PML: variants seen among roughly 807,000 people sequenced by gnomAD.
The protein encoded by PML is protein PML.
PML carries 28 observed loss-of-function variants against 65.2 expected under a neutral mutation model. That is an observed-to-expected ratio of 0.43 (90% confidence interval 0.32 to 0.59). PML has a LOEUF of 0.59. Ranked by LOEUF, PML falls within the 20% of genes least tolerant of loss-of-function variation. PML has a pLI of 0.08. For synonymous variants in PML, 500 were observed against 508.8 expected, an observed-to-expected ratio of 0.98 and a Z score of 0.23; for missense variants, 1,021 against 1,203.4, an observed-to-expected ratio of 0.85 and a Z score of 2.24.
rs1159458544 is a variant in PML at position 74,037,030 on chromosome 15, C to T, written c.1710+2500C>T. On this transcript the variant is annotated intron_variant, in intron 7 of 8. Transcript: ENST00000268058. The surrounding 1 kb of genome is among the most constrained non-coding windows in gnomAD (Gnocchi z 4.2). ...CCCAGCAGAAAATCCTGGAAGGACTCAGGAGCTTGTCGCCTCTGTGCTGCC... is the reference window on the plus strand; with the variant it reads ...CCCAGCAGAAAATCCTGGAAGGACTTAGGAGCTTGTCGCCTCTGTGCTGCC... 1.0e-6 allele frequency: 1 copy of T among 985,348 alleles called. No homozygotes were observed. Among genetic ancestry groups the T allele is most frequent in the Non-Finnish European group, 1.2e-6 (1 of 829,940 alleles). 61.0% of individuals were successfully genotyped at this position (985,348 alleles called of 1,614,324 possible). A position where few individuals can be genotyped will look rare whatever the true frequency, so the allele number is the denominator to read the frequency against.
At chr15:74,004,686 C>T (rs11072462) in intron 2 of PML, among the ~76,000 whole-genome samples, 93,747 of 151,674 alleles carry the variant, frequency 0.62, 29,071 homozygotes, top group Non-Finnish European at 0.65. Flanking sequence ...TTCTTCAGCT[C>T]TTCATCTCAG....
In PML at chr15:74,047,122, C is replaced by T. The variant is rs919020889; in HGVS notation, c.*2114C>T. On this transcript the variant is annotated 3_prime_UTR_variant, in exon 9 of 9. Transcript: ENST00000268058. Reference sequence around the variant, plus strand: ...AACTAGAGACCAGAGTCTGCAGGAACTTTGCCACTGCCCTTCACTGGCTAA... The same window carrying T: ...AACTAGAGACCAGAGTCTGCAGGAATTTTGCCACTGCCCTTCACTGGCTAA... 4.3e-6 allele frequency: 1 copy of T among 230,800 alleles called. No individual in the cohort carries two copies. Among genetic ancestry groups the T allele is most frequent in the East Asian group, 6.1e-5 (1 of 16,264 alleles). The allele number at this position is 230,800 out of a possible 1,614,324, so 14.3% of individuals were successfully genotyped here.
Position 74,032,595 on chromosome 15 carries a change from G to C in PML, c.1278G>C (p.Lys426Asn). 6.2e-7 allele frequency: 1 copy of C among 1,614,156 alleles called. No homozygotes were observed. Among genetic ancestry groups the C allele is most frequent in the South Asian group, 1.1e-5 (1 of 91,074 alleles). ...AGCCCGAGGAGGCAGAGAGAGTGAA[G>C]GCCCAGGTTCAGGCCCTGGGGCTGG... Reference protein sequence around the residue: ...VDLPEEAERVKAQVQALGLAE... With the variant: ...VDLPEEAERVNAQVQALGLAE... The change falls in exon 5 of 9, where the codon AAG becomes AAC. Residue 426 changes from lysine (K) to asparagine (N), a missense_variant. Physicochemically the swap from Lys to Asn is moderately conservative, Grantham distance 94 (BLOSUM62 0). Transcript: ENST00000268058.
chr15:74,007,307 A>T (rs940727261), intron 2 of PML, among the ~76,000 whole-genome samples: 1 of 152,226 alleles, frequency 6.6e-6, no homozygotes, highest in African/African-American at 2.4e-5. Flanking sequence ...ATCATATGCC[A>T]AAGTGGCATA....
In PML at chr15:74,035,570, C is replaced by G. The variant is rs1304442336; in HGVS notation, c.1710+1040C>G. On this transcript the variant is annotated intron_variant, in intron 7 of 8. Transcript: ENST00000268058. This position sits in a 1 kb window ranked among gnomAD's most constrained non-coding sequence, Gnocchi z 4.1. The stretch of plus-strand genomic sequence containing the variant: ...CTCCTGCCATCACAGGGCCCCTCAA[C>G]CATCCTGCCAATGCCCAGGAACATC... 6.2e-7 allele frequency: 1 copy of G among 1,611,492 alleles called. No individual in the cohort carries two copies. The highest frequency in any genetic ancestry group is 2.2e-5 in the East Asian group (1 of 44,862).
chr15:74,009,770 A>T (rs920070257), intron 2 of PML, among the ~76,000 whole-genome samples: 1 of 152,072 alleles, frequency 6.6e-6, no homozygotes, highest in African/African-American at 2.4e-5. Flanking sequence ...CATGTTGCCC[A>T]GGTTGGTCTC....
chr15:74,006,647 T>G (rs765274225), intron 2 of PML, among the ~76,000 whole-genome samples: 1 of 152,192 alleles, frequency 6.6e-6, no homozygotes, highest in Non-Finnish European at 1.5e-5. Context: ...TGTTTCTGTT[T>G]TGCATTGCTA....
In PML at chr15:74,043,653, C is replaced by G. The variant is rs2071737754; in HGVS notation, c.1861+514C>G. On this transcript the variant is annotated intron_variant, in intron 8 of 8. Coordinates refer to ENST00000268058, the MANE Select transcript of PML (RefSeq NM_033238.3). This position sits in a 1 kb window ranked among gnomAD's most constrained non-coding sequence, Gnocchi z 4.3. ...GCTCTGCAAATGCCCCTCCTTGAGC[C>G]AGAGCCCCAGGCCCTACCCTGTGGC... is the stretch of plus-strand genomic sequence containing the variant. The G allele has an allele frequency of 2.0e-6, 1 of 505,690 alleles. No individual in the cohort carries two copies. The highest frequency in any genetic ancestry group is 3.9e-6 in the Non-Finnish European group (1 of 258,454). The allele number at this position is 505,690 out of a possible 1,614,324, so 31.3% of individuals were successfully genotyped here. A position where few individuals can be genotyped will look rare whatever the true frequency, so the allele number is the denominator to read the frequency against.
chr15:74,017,041 C>G (rs1029916415), intron 2 of PML, among the ~76,000 whole-genome samples: 3 of 151,602 alleles, frequency 2.0e-5, no homozygotes, highest in African/African-American at 7.3e-5. Flanking sequence ...TCGTGATCCA[C>G]CCACCTCGGC....
Position 74,023,250 on chromosome 15 carries a change from A to C in PML, c.1025A>C (p.Asp342Ala). Reference sequence around the variant, plus strand: ...CAGAGGATGAAGTGCTACGCCTCGGACCAGGAGGTGCTGGACATGCACGGT... The same window carrying C: ...CAGAGGATGAAGTGCTACGCCTCGGCCCAGGAGGTGCTGGACATGCACGGT... ...LVQRMKCYAS[D>A]QEVLDMHGFL... The change falls in exon 3 of 9, where the codon GAC becomes GCC. Residue 342 changes from aspartate to alanine, a missense_variant. Physicochemically the swap from Asp to Ala is moderately radical, Grantham distance 126. Transcript: ENST00000268058. 1 of 1,611,080 alleles carries C rather than the reference A, an allele frequency of 6.2e-7. No individual in the cohort carries two copies. Among genetic ancestry groups the C allele is most frequent in the Non-Finnish European group, 8.5e-7 (1 of 1,179,594 alleles).
Position 74,042,924 on chromosome 15 carries a change from G to A in PML, c.1711-65G>A. 6.2e-7 allele frequency: 1 copy of A among 1,611,390 alleles called. No homozygotes were observed. Among genetic ancestry groups the A allele is most frequent in the Non-Finnish European group, 8.5e-7 (1 of 1,179,930 alleles). On this transcript the variant is annotated intron_variant, in intron 7 of 8. Transcript: ENST00000268058. The surrounding 1 kb of genome is among the most constrained non-coding windows in gnomAD (Gnocchi z 5.3). ...TGCTCCCAGCTATACCAGCTTGCTA[G>A]TGTTCTGCACAGGTGCTTGCCTTGG...
intron 6 of PML, chr15:74,033,847 C>T (rs986238201): frequency 1.0e-5 from 5 of 500,156 alleles, no homozygotes; most frequent in East Asian, 3.1e-5. Context: ...AGGCCACCTA[C>T]CTAAGTATCT....
At chr15:74,001,643 A>G (rs913985058) in intron 2 of PML, among the ~76,000 whole-genome samples, 2 of 152,168 alleles carry the variant, frequency 1.3e-5, no homozygotes, top group Non-Finnish European at 2.9e-5. Flanking sequence ...GCCCTGCCTA[A>G]TAATAACTCT....
intron 1 of PML, among the ~76,000 whole-genome samples, chr15:73,997,031 G>T (rs184101410): frequency 3.3e-5 from 5 of 152,206 alleles, no homozygotes; most frequent in African/African-American, 1.2e-4. Flanking sequence ...GGGTGGGAGC[G>T]GCTAGAGCAG....
At chr15:74,025,179 T>G in intron 4 of PML, 2 of 531,600 alleles carry the variant, frequency 3.8e-6, no homozygotes, top group Non-Finnish European at 6.9e-6. Flanking sequence ...CAGTGGGGGT[T>G]AGATGTGGGG....
At chr15:73,997,709 C>T (rs2069574080) in intron 1 of PML, among the ~76,000 whole-genome samples, 1 of 152,228 alleles carries the variant, frequency 6.6e-6, no homozygotes, top group South Asian at 2.1e-4. Flanking sequence ...CTTAGTGTAT[C>T]TACCTTCCAA....
chr15:74,043,433 T>C lies in PML; in HGVS notation c.1861+294T>C. On this transcript the variant is annotated intron_variant, in intron 8 of 8. Coordinates refer to ENST00000268058, the MANE Select transcript of PML (RefSeq NM_033238.3). This position sits in a 1 kb window ranked among gnomAD's most constrained non-coding sequence, Gnocchi z 4.3. ...ACAGAGAGCCTGGGGAACACACTCCTAGACAGAAACACAATGCGTGAGCTC... is the reference window on the plus strand; with the variant it reads ...ACAGAGAGCCTGGGGAACACACTCCCAGACAGAAACACAATGCGTGAGCTC... The C allele has an allele frequency of 1.5e-6, 2 of 1,367,880 alleles. No homozygotes were observed. Among genetic ancestry groups the C allele is most frequent in the African/African-American group, 1.5e-5 (1 of 68,604 alleles). The allele number at this position is 1,367,880 out of a possible 1,614,324, so 84.7% of individuals were successfully genotyped here. A position where few individuals can be genotyped will look rare whatever the true frequency, so the allele number is the denominator to read the frequency against.
chr15:74,009,991 G>C (rs1190323024), intron 2 of PML, among the ~76,000 whole-genome samples: 1 of 151,530 alleles, frequency 6.6e-6, no homozygotes, highest in African/African-American at 2.4e-5. Context: ...TGGAGGCCTG[G>C]GACATTTTAG....
In PML at chr15:74,023,021, G is replaced by C. The variant is rs755711851; in HGVS notation, c.796G>C (p.Gly266Arg). The change falls in exon 3 of 9, where the codon GGC becomes CGC. Residue 266 changes from glycine (G) to arginine (R), a missense_variant. By Grantham distance (125) the Gly-to-Arg change is moderately radical. Coordinates refer to ENST00000268058, the MANE Select transcript of PML (RefSeq NM_033238.3). ...TCACGCGCAGATGCACGCGGCCGTC[G>C]GCCAGCTGGGCCGCGCGCGTGCCGA... ...AVHAQMHAAV[G>R]QLGRARAETE... 1.9e-6 allele frequency: 3 copies of C among 1,606,454 alleles called. No homozygotes were observed. The South Asian group carries it at 3.3e-5, about 18-fold the overall frequency.
Sources: gnomAD v4.1 joint callset for allele counts (sites outside exome capture counted in the v4.1 genomes callset) on GRCh38, gnomAD v4.1.1 for gene constraint, Gnocchi (gnomAD v3.1) non-coding constraint, MANE v1.5 for transcripts, NCBI Gene and HGNC (gene_info 2026-07-23, HGNC 2026-07-21) for gene names.